The following ROBO3 variants were observed in gnomAD, a reference collection of about 807,000 sequenced individuals.
The protein encoded by ROBO3 is roundabout homolog 3.
ROBO3 carries 97 observed loss-of-function variants against 160.5 expected under a neutral mutation model. The observed-to-expected ratio is 0.60, with a 90% confidence interval of 0.51 to 0.72. The LOEUF (loss-of-function observed/expected upper bound fraction) is 0.72, where lower values mean the gene tolerates loss of function less well. ROBO3 is among the 30% of genes least tolerant of loss of function. The pLI, the probability that ROBO3 is intolerant of heterozygous loss-of-function variation, is 0.00. For missense variants in ROBO3, 1,858 were observed against 1,846.5 expected (o/e 1.01, Z -0.11); for synonymous variants, 780 against 746.2 (o/e 1.05, Z -0.74).
intron 1 of ROBO3, among the ~76,000 whole-genome samples, chr11:124,866,851 T>G (rs1409876162): frequency 6.6e-6 from 1 of 151,968 alleles, no homozygotes; most frequent in Non-Finnish European, 1.5e-5. Flanking sequence ...AGAAAGACGA[T>G]GGGGGAGGAG....
Position 124,876,532 on chromosome 11 carries a change from A to T in ROBO3, c.2779+72A>T, listed in dbSNP as rs1359199447. On this transcript the variant is annotated intron_variant, in intron 17 of 27. Coordinates refer to ENST00000397801, the MANE Select transcript of ROBO3 (RefSeq NM_022370.4). The surrounding 1 kb of genome is among the most constrained non-coding windows in gnomAD (Gnocchi z 5.3). ...GGCCCATGGGGAGGGGCAGGGGCTT[A>T]GCCGCTGGCGAGTGAGGACCGGGTC... The T allele has an allele frequency of 1.6e-6, 2 of 1,264,724 alleles. No individual in the cohort carries two copies. The highest frequency in any genetic ancestry group is 2.3e-4 in the Middle Eastern group (1 of 4,310). 78.3% of individuals were successfully genotyped at this position (1,264,724 alleles called of 1,614,324 possible). A position where few individuals can be genotyped will look rare whatever the true frequency, so the allele number is the denominator to read the frequency against.
Position 124,872,296 on chromosome 11 carries a change from G to T in ROBO3, c.1159-85G>T. 7.9e-7 allele frequency: 1 copy of T among 1,265,728 alleles called. No individual in the cohort carries two copies. The highest frequency in any genetic ancestry group is 1.2e-5 in the South Asian group (1 of 83,318). The allele number at this position is 1,265,728 out of a possible 1,614,324, so 78.4% of individuals were successfully genotyped here. A position where few individuals can be genotyped will look rare whatever the true frequency, so the allele number is the denominator to read the frequency against. ...TGAACTAGAATCATAGGAATTCTCTGAATTTTGAGATTGACAGGAATGGGG... is the reference window on the plus strand; with the variant it reads ...TGAACTAGAATCATAGGAATTCTCTTAATTTTGAGATTGACAGGAATGGGG... On this transcript the variant is annotated intron_variant, in intron 7 of 27. Transcript: ENST00000397801. The surrounding 1 kb of genome is among the most constrained non-coding windows in gnomAD (Gnocchi z 4.3).
rs1946579668 is a variant in ROBO3 at position 124,881,352 on chromosome 11, TG to T, written c.*104del. On this transcript the variant is annotated 3_prime_UTR_variant, in exon 28 of 28. Coordinates refer to ENST00000397801, the MANE Select transcript of ROBO3 (RefSeq NM_022370.4). ...ATGAGTGGGGCTAGCTGAAGCCCAT[TG>T]GTTTCCACGATTTCAATTGGCTGAG... is the stretch of plus-strand genomic sequence containing the variant. 1.7e-6 allele frequency: 2 copies of T among 1,169,932 alleles called. No individual in the cohort carries two copies. The highest frequency in any genetic ancestry group is 2.6e-5 in the East Asian group (1 of 39,066). 72.5% of individuals were successfully genotyped at this position (1,169,932 alleles called of 1,614,324 possible).
rs1362993885 is a variant in ROBO3, at chr11:124,877,626, G to A, written c.2954G>A (p.Ser985Asn). ...AQEPRGSCCP[S>N]NPDPDDRYYN... ...GAACCCAGGGGAAGCTGCTGCCCTA[G>A]CAATCCTGACCCGGACGACAGATAT... The change falls in exon 20 of 28, where the codon AGC becomes AAC. Residue 985 changes from serine (S) to asparagine (N), a missense_variant. Coordinates refer to ENST00000397801, the MANE Select transcript of ROBO3 (RefSeq NM_022370.4). The A allele has an allele frequency of 6.2e-7, 1 of 1,610,644 alleles. No homozygotes were observed. The highest frequency in any genetic ancestry group is 1.1e-5 in the South Asian group (1 of 90,072).
chr11:124,873,766 T>G lies in ROBO3; in HGVS notation c.1688T>G (p.Val563Gly), dbSNP rs1407051179. ...SSPPGAPSQP[V>G]VTEITKNSIT... ...CCTCCGGGGGCTCCCTCTCAGCCAG[T>G]GGTCACTGAGATCACCAAGAACAGC... is the stretch of plus-strand genomic sequence containing the variant. The change falls in exon 11 of 28, where the codon GTG (valine) becomes GGG (glycine). Residue 563 changes from valine to glycine, a missense_variant. Coordinates refer to ENST00000397801, the MANE Select transcript of ROBO3 (RefSeq NM_022370.4). The surrounding 1 kb of genome is among the most constrained non-coding windows in gnomAD (Gnocchi z 4.5). 6.2e-6 allele frequency: 10 copies of G among 1,613,712 alleles called. No homozygotes were observed. Among genetic ancestry groups the G allele is most frequent in the Non-Finnish European group, 8.5e-6 (10 of 1,179,776 alleles).
rs768410418 is a variant in ROBO3 at position 124,878,371 on chromosome 11, G to A, written c.3255G>A (p.Leu1085=). ...QMPSLNWPEA[L]PPPPPSCELS... ...CCTCTCTGAACTGGCCAGAAGCCCTGCCCCCACCTCCTCCTTCTTGTGAAC... is the reference window on the plus strand; with the variant it reads ...CCTCTCTGAACTGGCCAGAAGCCCTACCCCCACCTCCTCCTTCTTGTGAAC... The change falls in exon 22 of 28, where the codon CTG becomes CTA. Residue 1085 remains leucine (L), a synonymous_variant. Coordinates refer to ENST00000397801, the MANE Select transcript of ROBO3 (RefSeq NM_022370.4). The surrounding 1 kb of genome is among the most constrained non-coding windows in gnomAD (Gnocchi z 4.3). The A allele has an allele frequency of 6.2e-7, 1 of 1,613,926 alleles. No homozygotes were observed. The highest frequency in any genetic ancestry group is 8.5e-7 in the Non-Finnish European group (1 of 1,179,868).
rs747297930 is a variant in ROBO3, at chr11:124,878,652, G to A, written c.3389G>A (p.Gly1130Glu). The change falls in exon 23 of 28, where the codon GGA becomes GAA. Residue 1130 changes from glycine (G) to glutamate (E), a missense_variant. Transcript: ENST00000397801. This position sits in a 1 kb window ranked among gnomAD's most constrained non-coding sequence, Gnocchi z 4.3. ...RSHLTEPSSS[G>E]GCLVTPSRRE... ...CACCTGACGGAGCCCAGCTCCAGTG[G>A]AGGGTGCCTGGTCACCCCATCCCGA... The A allele has an allele frequency of 6.2e-7, 1 of 1,613,482 alleles. No homozygotes were observed. The highest frequency in any genetic ancestry group is 1.1e-5 in the South Asian group (1 of 90,972).
At chr11:124,881,061 C>CA (rs1236779165) in intron 27 of ROBO3, among the ~76,000 whole-genome samples, 178 bp from the exon 28 acceptor site, 3 of 152,014 alleles carry the variant, frequency 2.0e-5, no homozygotes, top group Non-Finnish European at 2.9e-5. Flanking sequence ...CTCAAACAAA[C>CA]AAACAGACAA....
chr11:124,881,331 G>GT lies in ROBO3; in HGVS notation c.*82dup. The GT allele has an allele frequency of 7.1e-7, 1 of 1,403,016 alleles. No homozygotes were observed. The highest frequency in any genetic ancestry group is 9.9e-7 in the Non-Finnish European group (1 of 1,009,564). The allele number at this position is 1,403,016 out of a possible 1,614,324, so 86.9% of individuals were successfully genotyped here. The stretch of plus-strand genomic sequence containing the variant: ...GTCTTTTCCCCCCCAGCAGTGATGA[G>GT]TGGGGCTAGCTGAAGCCCATTGGTT... On this transcript the variant is annotated 3_prime_UTR_variant, in exon 28 of 28. Transcript: ENST00000397801.
intron 1 of ROBO3, chr11:124,868,423 G>A (rs1261256812): frequency 3.6e-6 from 2 of 552,136 alleles, no homozygotes; most frequent in Admixed American, 3.1e-5. Context: ...AACCAGTGCA[G>A]GTGGAGATGG....
chr11:124,865,661 G>C lies in ROBO3; in HGVS notation c.84G>C (p.Glu28Asp), dbSNP rs1408413005. ...SLAGDISNSS[E>D]LLLGFNSSLA... ...CCGGGGACATCTCCAACTCCAGCGA[G>C]CTGCTCTTGGGCTTCAACTCCTCGC... is the stretch of plus-strand genomic sequence containing the variant. Residue 28 changes from glutamate to aspartate, a missense_variant, in exon 1 of 28, where the codon GAG (glutamate) becomes GAC (aspartate). By Grantham distance (45) the Glu-to-Asp change is conservative (BLOSUM62 2). Coordinates refer to ENST00000397801, the MANE Select transcript of ROBO3 (RefSeq NM_022370.4). This position sits in a 1 kb window ranked among gnomAD's most constrained non-coding sequence, Gnocchi z 5.5. 2 of 1,612,668 alleles carry C rather than the reference G, an allele frequency of 1.2e-6. No homozygotes were observed. The highest frequency in any genetic ancestry group is 8.5e-7 in the Non-Finnish European group (1 of 1,179,534).
intron 1 of ROBO3, among the ~76,000 whole-genome samples, chr11:124,866,238 G>C (rs1229720893): frequency 6.6e-6 from 1 of 152,246 alleles, no homozygotes; most frequent in Non-Finnish European, 1.5e-5. Flanking sequence ...GATAGGGGCG[G>C]CGATCATTTT....
rs72172679 is a variant in ROBO3, at chr11:124,869,430, C to CG, written c.488-20_488-19insG. On this transcript the variant is annotated intron_variant, in intron 2 of 27. Coordinates refer to ENST00000397801, the MANE Select transcript of ROBO3 (RefSeq NM_022370.4). This position sits in a 1 kb window ranked among gnomAD's most constrained non-coding sequence, Gnocchi z 4.2. ...GTCACTCTACACCCTGCTTATTTCG[C>CG]CCCCCACCGCCCCGCCCAGTCCTCC... 63 of 1,229,804 alleles carry CG rather than the reference C, an allele frequency of 5.1e-5. 2 individuals are homozygous for CG. Among genetic ancestry groups the CG allele is most frequent in the Admixed American group, 6.7e-5 (3 of 44,490 alleles). The allele number at this position is 1,229,804 out of a possible 1,614,324, so 76.2% of individuals were successfully genotyped here.
chr11:124,873,093 A>G lies in ROBO3; in HGVS notation c.1536+4A>G. On this transcript the variant is annotated splice_donor_region_variant and intron_variant, in intron 9 of 27. Coordinates refer to ENST00000397801, the MANE Select transcript of ROBO3 (RefSeq NM_022370.4). The surrounding 1 kb of genome is among the most constrained non-coding windows in gnomAD (Gnocchi z 4.5). ...CCTGTACATCGCCAATGTGCAGGTG[A>G]GTGTCACCCCTGGGGCCCTAGTAGC... is the stretch of plus-strand genomic sequence containing the variant. The G allele has an allele frequency of 6.2e-7, 1 of 1,612,242 alleles. No homozygotes were observed. The highest frequency in any genetic ancestry group is 8.5e-7 in the Non-Finnish European group (1 of 1,178,872).
intron 1 of ROBO3, among the ~76,000 whole-genome samples, chr11:124,867,675 CTT>C (rs928881706): frequency 5.3e-4 from 80 of 151,712 alleles, no homozygotes; most frequent in African/African-American, 1.7e-3. Flanking sequence ...GCCTGTCCAG[CTT>C]TGTCTACAAC....
At position 124,868,869 on chromosome 11, in the gene ROBO3, C is replaced by T. The variant is rs554382151; in HGVS notation, c.228C>T (p.Ser76=). The T allele has an allele frequency of 5.8e-5, 93 of 1,607,826 alleles. No individual in the cohort carries two copies. The African/African-American group carries it at 6.9e-4, about 12-fold the overall frequency. ...AGCAGCCGCCAGATCTGCTGGTCTC[C>T]CGAGGCGAGCCCGCCACGTTGCCCT... The part of the protein sequence containing the change: ...IVEQPPDLLV[S]RGEPATLPCR... Residue 76 remains serine (S), a synonymous_variant, in exon 2 of 28, where the codon TCC becomes TCT. Transcript: ENST00000397801.
At position 124,869,657 on chromosome 11, in the gene ROBO3, G is replaced by A. The variant is rs990845595; in HGVS notation, c.645+50G>A. 38 of 1,502,852 alleles carry A rather than the reference G, an allele frequency of 2.5e-5. No individual in the cohort carries two copies. The highest frequency in any genetic ancestry group is 3.2e-5 in the Non-Finnish European group (36 of 1,119,560). The allele number at this position is 1,502,852 out of a possible 1,614,324, so 93.1% of individuals were successfully genotyped here. A position where few individuals can be genotyped will look rare whatever the true frequency, so the allele number is the denominator to read the frequency against. ...ACCCCAACAAGGGAGGGGACATAGGGTAGGGAGGTGACAAGGCTGGAGATT... is the reference window on the plus strand; with the variant it reads ...ACCCCAACAAGGGAGGGGACATAGGATAGGGAGGTGACAAGGCTGGAGATT... On this transcript the variant is annotated intron_variant, in intron 3 of 27. Coordinates refer to ENST00000397801, the MANE Select transcript of ROBO3 (RefSeq NM_022370.4). The surrounding 1 kb of genome is among the most constrained non-coding windows in gnomAD (Gnocchi z 4.2).
rs751885514 is a variant in ROBO3 at position 124,876,227 on chromosome 11, T to C, written c.2594-48T>C. The stretch of plus-strand genomic sequence containing the variant: ...CGGGTCGGGAATGACCCTTTCCCAG[T>C]TCCAGGGTTTCGGGCCCCTCCTCCC... On this transcript the variant is annotated intron_variant, in intron 16 of 27. Transcript: ENST00000397801. The surrounding 1 kb of genome is among the most constrained non-coding windows in gnomAD (Gnocchi z 5.3). The C allele has an allele frequency of 1.4e-5, 21 of 1,497,218 alleles. No individual in the cohort carries two copies. The highest frequency in any genetic ancestry group is 2.3e-5 in the East Asian group (1 of 43,294). 92.7% of individuals were successfully genotyped at this position (1,497,218 alleles called of 1,614,324 possible).
At chr11:124,877,072 CG>C in intron 17 of ROBO3, 88 bp from the exon 18 acceptor site, 1 of 1,435,382 alleles carries the variant, frequency 7.0e-7, no homozygotes, top group Non-Finnish European at 9.8e-7. Flanking sequence ...GAACTGGGAC[CG>C]GGGCCTAGGC....
Sources: allele counts gnomAD v4.1 joint callset (sites outside exome capture counted in the v4.1 genomes callset), GRCh38; gene constraint gnomAD v4.1.1; non-coding constraint Gnocchi (gnomAD v3.1); transcripts MANE v1.5; gene names NCBI Gene and HGNC (gene_info 2026-07-23, HGNC 2026-07-21).